The following PLEKHG4B variants were observed in gnomAD, a reference collection of about 807,000 sequenced individuals.
PLEKHG4B encodes the protein pleckstrin homology domain-containing family G member 4B.
PLEKHG4B carries 111 observed loss-of-function variants against 121.3 expected under a neutral mutation model. That is an observed-to-expected ratio of 0.92 (90% CI 0.78 to 1.07). PLEKHG4B has a LOEUF of 1.07. Among genes scored for constraint, PLEKHG4B ranks in the 50% least tolerant of loss-of-function variants. The probability of loss-of-function intolerance (pLI) is 0.00; values close to 1 mark genes in which losing one functional copy is unlikely to be tolerated. For synonymous variants in PLEKHG4B, 738 were observed against 725.0 expected (o/e 1.02, Z -0.29); for missense variants, 1,831 against 1,757.8 (o/e 1.04, Z -0.74).
intron 3 of PLEKHG4B, among the ~76,000 whole-genome samples, chr5:142,600 A>T (rs1735252074): frequency 6.6e-6 from 1 of 151,770 alleles, no homozygotes. Context: ...TCACACAATC[A>T]CACTCCAGAG....
At chr5:163,626 T>G (rs1380935124) in intron 13 of PLEKHG4B, 78 bp downstream of exon 13, 2 of 1,203,918 alleles carry the variant, frequency 1.7e-6, no homozygotes, top group Non-Finnish European at 2.3e-6. Flanking sequence ...GGCAGTAAAC[T>G]CTCTTCTGCA....
chr5:135,874 G>A (rs1734970423), intron 2 of PLEKHG4B, among the ~76,000 whole-genome samples: 1 of 151,034 alleles, frequency 6.6e-6, no homozygotes, highest in Non-Finnish European at 1.5e-5. Context: ...CAATCTTGAA[G>A]AAGAGCTAAA....
chr5:92,187 C>G lies in PLEKHG4B; in HGVS notation c.-45C>G, dbSNP rs539982236. ...CGGCCCAGTGCACAGCGGGACCAGGCAGAGTTCGGGGAAAGCGTCGGAGTT... is the reference window on the plus strand; with the variant it reads ...CGGCCCAGTGCACAGCGGGACCAGGGAGAGTTCGGGGAAAGCGTCGGAGTT... On this transcript the variant is annotated 5_prime_UTR_variant, in exon 1 of 20. Transcript: ENST00000637938. 1.5e-3 allele frequency: 544 copies of G among 374,314 alleles called. 1 individual carries two copies. The highest frequency in any genetic ancestry group is 9.4e-3 in the African/African-American group (441 of 46,706). The allele number at this position is 374,314 out of a possible 1,614,324, so 23.2% of individuals were successfully genotyped here.
At chr5:141,628 G>A (rs2126401796) in intron 3 of PLEKHG4B, among the ~76,000 whole-genome samples, 1 of 151,802 alleles carries the variant, frequency 6.6e-6, no homozygotes, top group East Asian at 2.0e-4. Context: ...CAAGGGTTAG[G>A]AGAGAAAATG....
chr5:99,981 A>G (rs545202116), intron 1 of PLEKHG4B, among the ~76,000 whole-genome samples: 73 of 152,088 alleles, frequency 4.8e-4, no homozygotes, highest in Non-Finnish European at 8.7e-4. Flanking sequence ...TGAGATGATC[A>G]TGTGAGCTTT....
At chr5:105,188 G>A (rs1215861111) in intron 1 of PLEKHG4B, among the ~76,000 whole-genome samples, 5 of 152,272 alleles carry the variant, frequency 3.3e-5, no homozygotes, top group Non-Finnish European at 5.9e-5. Context: ...GGTGAGGGCT[G>A]TTCTGGGTTC....
intron 1 of PLEKHG4B, among the ~76,000 whole-genome samples, chr5:109,820 C>G (rs568050601): frequency 6.6e-6 from 1 of 152,216 alleles, no homozygotes; most frequent in Non-Finnish European, 1.5e-5. Flanking sequence ...CAAAGCTCAG[C>G]GAAGTGCCAA....
chr5:161,677 C>T, intron 11 of PLEKHG4B, 106 bp from the exon 12 acceptor site: 2 of 1,457,690 alleles, frequency 1.4e-6, no homozygotes, highest in Non-Finnish European at 1.9e-6. Flanking sequence ...GCACTGTGGG[C>T]CGTCCGAGCC....
At chr5:125,205 G>C (rs112470227) in intron 2 of PLEKHG4B, among the ~76,000 whole-genome samples, 15 of 152,136 alleles carry the variant, frequency 9.9e-5, no homozygotes, top group South Asian at 4.2e-4. Context: ...TGATAAACAG[G>C]GGCTCCTGTC....
At chr5:163,923 G>A (rs1352343624) in intron 13 of PLEKHG4B, among the ~76,000 whole-genome samples, 2 of 152,224 alleles carry the variant, frequency 1.3e-5, no homozygotes, top group African/African-American at 4.8e-5. Flanking sequence ...TCTCTTAAGT[G>A]TTAGGGGTTA....
chr5:122,513 A>T (rs527473144), intron 2 of PLEKHG4B, among the ~76,000 whole-genome samples: 24 of 152,070 alleles, frequency 1.6e-4, no homozygotes, highest in Admixed American at 5.2e-4. Context: ...TCTGCCTCCC[A>T]GGTTCAAGCA....
At chr5:118,416 C>T (rs1011440595) in intron 2 of PLEKHG4B, among the ~76,000 whole-genome samples, 2 of 152,182 alleles carry the variant, frequency 1.3e-5, no homozygotes, top group Non-Finnish European at 2.9e-5. Context: ...TAGAATCCTT[C>T]CCAAGTACAC....
chr5:154,934 C>T lies in PLEKHG4B; in HGVS notation c.2052C>T (p.Thr684=), dbSNP rs547524002. 74 of 1,613,630 alleles carry T rather than the reference C, an allele frequency of 4.6e-5. No individual in the cohort carries two copies. Among genetic ancestry groups the T allele is most frequent in the Non-Finnish European group, 4.2e-5 (49 of 1,180,026 alleles). ...AATTTGTTGACAGCTGCCAGCTGAC[C>T]GCAGACCTCGACGGCTCCTTTCCCT... The part of the protein sequence containing the change: ...VHKFVDSCQL[T]ADLDGSFPYS... The change falls in exon 8 of 20, where the codon ACC becomes ACT. Residue 684 remains threonine, a synonymous_variant. Coordinates refer to ENST00000637938, the MANE Select transcript of PLEKHG4B (RefSeq NM_052909.5).
intron 2 of PLEKHG4B, among the ~76,000 whole-genome samples, chr5:138,668 G>A (rs893072110): frequency 2.6e-5 from 4 of 152,218 alleles, no homozygotes; most frequent in African/African-American, 9.7e-5. Context: ...CCTAAGGCAT[G>A]TTTGTTACCA....
chr5:117,667 A>C (rs990125144), intron 2 of PLEKHG4B, among the ~76,000 whole-genome samples: 1 of 152,296 alleles, frequency 6.6e-6, no homozygotes, highest in Middle Eastern at 3.4e-3. Flanking sequence ...AGCCTGGCCA[A>C]CATGGCAAAA....
intron 12 of PLEKHG4B, among the ~76,000 whole-genome samples, chr5:162,169 A>G (rs984397463): frequency 6.6e-6 from 1 of 152,240 alleles, no homozygotes; most frequent in Admixed American, 6.5e-5. Flanking sequence ...CCAAACGAAC[A>G]CACACATTTC....
In PLEKHG4B at chr5:137,026, G is replaced by T. The variant is rs1251560863; in HGVS notation, c.244-2457G>T. On this transcript the variant is annotated intron_variant, in intron 2 of 19. Transcript: ENST00000637938. The surrounding 1 kb of genome is among the most constrained non-coding windows in gnomAD (Gnocchi z 4.2). ...TGGAATATTATGCAACCCTGTGGAT[G>T]GATGAATGGATAGCAAAATATAGTA... 6.6e-6 allele frequency among the ~76,000 whole-genome samples: 1 copy of T among 152,210 alleles called. No individual in the cohort carries two copies. Among genetic ancestry groups the T allele is most frequent in the African/African-American group, 2.4e-5 (1 of 41,440 alleles).
rs1159354610 is a variant in PLEKHG4B at position 183,143 on chromosome 5, GA to G, written c.*821del. 4.6e-5 allele frequency: 7 copies of G among 152,248 alleles called. No individual in the cohort carries two copies. The highest frequency in any genetic ancestry group is 1.7e-4 in the African/African-American group (7 of 41,448). 9.4% of individuals were successfully genotyped at this position (152,248 alleles called of 1,614,324 possible). Reference sequence around the variant, plus strand: ...CAGAAAATCTTGCCTCAGGAATGGGGATAATTAGCCCTAGACTGAGCCCTGC... The same window carrying G: ...CAGAAAATCTTGCCTCAGGAATGGGGTAATTAGCCCTAGACTGAGCCCTGC... On this transcript the variant is annotated 3_prime_UTR_variant, in exon 20 of 20. Coordinates refer to ENST00000637938, the MANE Select transcript of PLEKHG4B (RefSeq NM_052909.5).
chr5:182,208 A>T lies in PLEKHG4B; in HGVS notation c.4769A>T (p.Asp1590Val), dbSNP rs150273465. Residue 1590 changes from aspartate (D) to valine (V), a missense_variant, in exon 20 of 20, where the codon GAT becomes GTT. By Grantham distance (152) the Asp-to-Val change is radical. Coordinates refer to ENST00000637938, the MANE Select transcript of PLEKHG4B (RefSeq NM_052909.5). The part of the protein sequence containing the change: ...WSPAHSPWSS[D>V]IRACVEEDEP... ...CCTGCCCACAGCCCCTGGTCATCTGATATCAGAGCCTGCGTCGAGGAAGAT... is the reference window on the plus strand; with the variant it reads ...CCTGCCCACAGCCCCTGGTCATCTGTTATCAGAGCCTGCGTCGAGGAAGAT... The T allele has an allele frequency of 6.2e-7, 1 of 1,613,876 alleles. No individual in the cohort carries two copies. Among genetic ancestry groups the T allele is most frequent in the Admixed American group, 1.7e-5 (1 of 60,022 alleles).
Sources: gnomAD v4.1 joint callset for allele counts (sites outside exome capture counted in the v4.1 genomes callset) on GRCh38, gnomAD v4.1.1 for gene constraint, Gnocchi (gnomAD v3.1) non-coding constraint, MANE v1.5 for transcripts, NCBI Gene and HGNC (gene_info 2026-07-23, HGNC 2026-07-21) for gene names.